Variants in DNAH7 observed in about 807,000 individuals in gnomAD.
DNAH7 encodes the protein dynein axonemal heavy chain 7.
A neutral mutation model predicts 444.6 loss-of-function variants in DNAH7; 397 were observed. The observed-to-expected ratio is 0.89, with a 90% CI of 0.82 to 0.97. The LOEUF (loss-of-function observed/expected upper bound fraction) is 0.97, where lower values mean the gene tolerates loss of function less well. Among genes scored for constraint, DNAH7 ranks in the 50% least tolerant of loss-of-function variants. DNAH7 has a pLI of 0.00. For missense variants in DNAH7, 4,902 were observed against 4,800.8 expected (o/e 1.02, Z -0.62); for synonymous variants, 1,636 against 1,624.4 (o/e 1.01, Z -0.17).
At chr2:195,938,836 T>C (rs1052650651) in intron 19 of DNAH7, among the ~76,000 whole-genome samples, 3 of 152,160 alleles carry the variant, frequency 2.0e-5, no homozygotes, top group African/African-American at 7.2e-5. Flanking sequence ...TCTTTGTATA[T>C]GGATTTAAGA....
chr2:195,888,152 T>C (rs997426110), intron 33 of DNAH7, 106 bp downstream of exon 33: 84 of 932,280 alleles, frequency 9.0e-5, no homozygotes, highest in Non-Finnish European at 1.2e-4. Context: ...AAGGTTTTGA[T>C]TTAATATCTC....
At chr2:195,901,615 G>C (rs1198971697) in intron 27 of DNAH7, 3 of 152,112 alleles carry the variant, frequency 2.0e-5, no homozygotes, top group Non-Finnish European at 4.4e-5. Context: ...CCCACGTTGG[G>C]AGACCTGGCT....
chr2:195,993,866 C>T (rs1693515075), intron 12 of DNAH7, among the ~76,000 whole-genome samples: 1 of 152,162 alleles, frequency 6.6e-6, no homozygotes, highest in African/African-American at 2.4e-5. Flanking sequence ...TCATTGTTTA[C>T]CAGTGGGTCA....
In DNAH7 at chr2:196,047,452, C is replaced by T; in HGVS notation, c.298G>A (p.Val100Ile). 6.2e-7 allele frequency: 1 copy of T among 1,602,158 alleles called. No homozygotes were observed. The highest frequency in any genetic ancestry group is 8.5e-7 in the Non-Finnish European group (1 of 1,173,244). Residue 100 changes from valine to isoleucine, a missense_variant, in exon 5 of 65, where the codon GTT (valine) becomes ATT (isoleucine). Physicochemically the swap from Val to Ile is conservative, Grantham distance 29. Coordinates refer to ENST00000312428, the MANE Select transcript of DNAH7 (RefSeq NM_018897.3). ...GATGGTCCAACATAACTATCATCAA[C>T]TTGGTGGGGTAATTTGCCCTTTTTT... ...FGKKGKLPHQ[V>I]DDSYVGPSTS...
At chr2:195,921,349 G>C (rs1688009734) in intron 24 of DNAH7, among the ~76,000 whole-genome samples, 1 of 118,300 alleles carries the variant, frequency 8.5e-6, no homozygotes, top group African/African-American at 3.1e-5. Flanking sequence ...AGAAAATGTG[G>C]TGTACACACA....
At position 195,923,760 on chromosome 2, in the gene DNAH7, A is replaced by G. The variant is rs1688165893; in HGVS notation, c.3660T>C (p.Ile1220=). 1 of 1,614,078 alleles carries G rather than the reference A, an allele frequency of 6.2e-7. No homozygotes were observed. Among genetic ancestry groups the G allele is most frequent in the African/African-American group, 1.3e-5 (1 of 74,934 alleles). ...ACAATTTGCCACGCACCAAAGTGAC[A>G]ATATCATCAATTTGTCTGTTACATG... The part of the protein sequence containing the change: ...LKTCNRQIDD[I]VTLVRGKLSM... Residue 1220 remains isoleucine, a synonymous_variant, in exon 23 of 65, where the codon ATT becomes ATC. Coordinates refer to ENST00000312428, the MANE Select transcript of DNAH7 (RefSeq NM_018897.3).
intron 18 of DNAH7, among the ~76,000 whole-genome samples, 161 bp downstream of exon 18, chr2:195,960,099 A>T (rs1354997532): frequency 6.6e-6 from 1 of 152,242 alleles, no homozygotes; most frequent in African/African-American, 2.4e-5. Flanking sequence ...TTAAATATTT[A>T]GTATGAAATG....
chr2:195,914,625 A>T (rs1410810687), intron 24 of DNAH7, among the ~76,000 whole-genome samples: 14 of 152,220 alleles, frequency 9.2e-5, no homozygotes, highest in Admixed American at 9.2e-4. Context: ...CACATTAAGC[A>T]CTATCCTCTA....
intron 63 of DNAH7, among the ~76,000 whole-genome samples, chr2:195,742,956 T>C (rs929445328): frequency 1.3e-5 from 2 of 152,196 alleles, no homozygotes; most frequent in East Asian, 3.9e-4. Context: ...AACATTTGAG[T>C]CAATTGGATT....
intron 15 of DNAH7, among the ~76,000 whole-genome samples, chr2:195,978,585 A>G (rs1050430809): frequency 6.6e-6 from 1 of 152,136 alleles, no homozygotes; most frequent in Non-Finnish European, 1.5e-5. Flanking sequence ...CAACAATAAC[A>G]TCAAAAGTAA....
chr2:195,760,665 C>T (rs1694307341), intron 61 of DNAH7, among the ~76,000 whole-genome samples: 1 of 152,116 alleles, frequency 6.6e-6, no homozygotes, highest in Admixed American at 6.6e-5. Context: ...GAACCTTATC[C>T]AAGACCACCA....
chr2:195,882,066 A>G lies in DNAH7; in HGVS notation c.5764-74T>C, dbSNP rs956600509. The G allele has an allele frequency of 8.6e-6, 11 of 1,276,808 alleles. No individual in the cohort carries two copies. In the African/African-American group the frequency reaches 1.4e-4, roughly 16 times the overall value. 79.1% of individuals were successfully genotyped at this position (1,276,808 alleles called of 1,614,324 possible). On this transcript the variant is annotated intron_variant, in intron 35 of 64. Transcript: ENST00000312428. The stretch of plus-strand genomic sequence containing the variant: ...AAGCTCTATACTCCTGTGCCATTGT[A>G]GAAAAGACTAAGACCAACAAACCCT...
At position 195,960,695 on chromosome 2, in the gene DNAH7, T is replaced by C; in HGVS notation, c.2456A>G (p.Tyr819Cys). 2 of 1,614,232 alleles carry C rather than the reference T, an allele frequency of 1.2e-6. No individual in the cohort carries two copies. The highest frequency in any genetic ancestry group is 1.7e-6 in the Non-Finnish European group (2 of 1,180,022). ...KLEKTFHDSPYALAMTKKVRS... is the reference protein window; with the variant it reads ...KLEKTFHDSPCALAMTKKVRS... The stretch of plus-strand genomic sequence containing the variant: ...TACTTTTTTTGTCATTGCCAATGCA[T>C]ATGGAGAATCATGAAAGGTTTTCTC... The change falls in exon 18 of 65, where the codon TAT becomes TGT. Residue 819 changes from tyrosine (Y) to cysteine (C), a missense_variant. Physicochemically the swap from Tyr to Cys is radical, Grantham distance 194 (BLOSUM62 -2). Transcript: ENST00000312428.
At chr2:195,953,264 G>A (rs555968112) in intron 19 of DNAH7, among the ~76,000 whole-genome samples, 2 of 152,152 alleles carry the variant, frequency 1.3e-5, no homozygotes, top group African/African-American at 4.8e-5. Flanking sequence ...ACCAGCAGAG[G>A]CTGCAGAACA....
rs371113400 is a variant in DNAH7, at chr2:195,864,621, C to T, written c.7034G>A (p.Ser2345Asn). 4.3e-6 allele frequency: 7 copies of T among 1,614,202 alleles called. No individual in the cohort carries two copies. Among genetic ancestry groups the T allele is most frequent in the Non-Finnish European group, 4.2e-6 (5 of 1,180,038 alleles). ...SHALLVGVGGSGRQSVTRLAA... is the reference protein window; with the variant it reads ...SHALLVGVGGNGRQSVTRLAA... ...TAATCTGGTGACAGACTGCCTTCCA[C>T]TCCCTCCAACCCCTACTAGGAGAGC... Residue 2345 changes from serine (S) to asparagine (N), a missense_variant, in exon 41 of 65, where the codon AGT becomes AAT. Coordinates refer to ENST00000312428, the MANE Select transcript of DNAH7 (RefSeq NM_018897.3).
rs759589353 is a variant in DNAH7 at position 195,888,889 on chromosome 2, T to C, written c.5139A>G (p.Leu1713=). 6 of 1,614,082 alleles carry C rather than the reference T, an allele frequency of 3.7e-6. No homozygotes were observed. Among genetic ancestry groups the C allele is most frequent in the Admixed American group, 3.3e-5 (2 of 60,026 alleles). Residue 1713 remains leucine (L), a synonymous_variant, in exon 32 of 65, where the codon CTA becomes CTG. Transcript: ENST00000312428. ...GAATAATCTCCCCACTCATCAGACA[T>C]AGCTTCTTGTTGTCATCCAGCACAG... The part of the protein sequence containing the change: ...MNTVLDDNKK[L]CLMSGEIIQM...
intron 22 of DNAH7, 34 bp downstream of exon 22, chr2:195,926,392 G>C: frequency 6.9e-7 from 1 of 1,455,214 alleles, no homozygotes. Flanking sequence ...TTGAAAAAAT[G>C]CTTAAAAAAA....
rs1697245369 is a variant in DNAH7 at position 195,816,835 on chromosome 2, T to G, written c.9554A>C (p.Lys3185Thr). The G allele has an allele frequency of 1.2e-6, 2 of 1,614,052 alleles. No homozygotes were observed. The highest frequency in any genetic ancestry group is 3.3e-5 in the Admixed American group (2 of 60,010). ...CTCTGTCTCTTCGGCTACTTCCTGC[T>G]TCTGAGAAATCTCATTAGCCAAGGC... ...SKALANEISQ[K>T]QEVAEETEKK... is the part of the protein sequence containing the mutation. Residue 3185 changes from lysine to threonine, a missense_variant, in exon 51 of 65, where the codon AAG becomes ACG. Transcript: ENST00000312428.
chr2:195,927,865 T>G (rs954284912), intron 21 of DNAH7, among the ~76,000 whole-genome samples: 3 of 152,126 alleles, frequency 2.0e-5, no homozygotes, highest in African/African-American at 7.2e-5. Flanking sequence ...CTGCACTTGC[T>G]TGGATATTTT....
Sources: gnomAD v4.1 joint callset for allele counts (sites outside exome capture counted in the v4.1 genomes callset) on GRCh38, gnomAD v4.1.1 for gene constraint, MANE v1.5 for transcripts, NCBI Gene and HGNC (gene_info 2026-07-23, HGNC 2026-07-21) for gene names.